The following BICD1 variants were observed in gnomAD, a reference collection of about 807,000 sequenced individuals.
The protein encoded by BICD1 is BICD cargo adaptor 1.
A neutral mutation model predicts 92.5 loss-of-function variants in BICD1; 35 were observed. That is an observed-to-expected ratio of 0.38 (90% confidence interval 0.29 to 0.50). The LOEUF is 0.50. Ranked by LOEUF, BICD1 falls within the 20% of genes least tolerant of loss-of-function variation. The pLI is 0.93. For missense variants in BICD1, 950 were observed against 1,189.8 expected (o/e 0.80, Z 2.97); for synonymous variants, 429 against 465.1 (o/e 0.92, Z 1.00).
intron 3 of BICD1, among the ~76,000 whole-genome samples, chr12:32,296,666 G>T (rs1947882606): frequency 1.3e-5 from 2 of 152,040 alleles, no homozygotes; most frequent in Non-Finnish European, 2.9e-5. Flanking sequence ...CTTCCTTCCC[G>T]ATTCCTACAC....
At chr12:32,299,133 A>G (rs189326798) in intron 3 of BICD1, among the ~76,000 whole-genome samples, 1 of 152,326 alleles carries the variant, frequency 6.6e-6, no homozygotes, top group Admixed American at 6.5e-5. Context: ...TAGAGTTCCT[A>G]AGCTCTGAAA....
At chr12:32,117,709 T>C (rs78178033) in intron 1 of BICD1, among the ~76,000 whole-genome samples, 10,026 of 82,978 alleles carry the variant, frequency 0.12, 590 homozygotes, top group East Asian at 0.29. Context: ...CACAAATATA[T>C]ATACACACAC....
chr12:32,341,342 C>T (rs1166236859), intron 8 of BICD1, among the ~76,000 whole-genome samples: 1 of 151,572 alleles, frequency 6.6e-6, no homozygotes. Flanking sequence ...TAGTGGGCAC[C>T]TGTAGTCCCA....
At chr12:32,217,953 G>A (rs1019681820) in intron 2 of BICD1, among the ~76,000 whole-genome samples, 1 of 152,220 alleles carries the variant, frequency 6.6e-6, no homozygotes, top group African/African-American at 2.4e-5. Flanking sequence ...AGGACCGTGT[G>A]CACACGCATG....
intron 8 of BICD1, among the ~76,000 whole-genome samples, chr12:32,361,430 G>A (rs190111556): frequency 8.6e-5 from 13 of 151,896 alleles, no homozygotes; most frequent in African/African-American, 2.9e-4. Flanking sequence ...GCACATGCCT[G>A]TAATCCCAGC....
chr12:32,330,730 T>A (rs1231383955), intron 5 of BICD1, among the ~76,000 whole-genome samples: 1 of 152,136 alleles, frequency 6.6e-6, no homozygotes, highest in African/African-American at 2.4e-5. Context: ...AGAGTGGTCA[T>A]AAATAACCAA....
At chr12:32,242,290 C>A (rs1946259918) in intron 2 of BICD1, among the ~76,000 whole-genome samples, 1 of 142,956 alleles carries the variant, frequency 7.0e-6, no homozygotes, top group African/African-American at 2.6e-5. Context: ...CTTTGGGAGG[C>A]CAAGGCAGGT....
At chr12:32,134,621 G>T (rs777313135) in intron 1 of BICD1, among the ~76,000 whole-genome samples, 1 of 152,208 alleles carries the variant, frequency 6.6e-6, no homozygotes, top group Admixed American at 6.5e-5. Context: ...TGTCAAGGAA[G>T]TGAGTCAGGT....
chr12:32,348,102 AT>A, intron 8 of BICD1, among the ~76,000 whole-genome samples: 1 of 152,206 alleles, frequency 6.6e-6, no homozygotes, highest in South Asian at 2.1e-4. Context: ...TCGTGTTTTT[AT>A]TTTGTTTTAT....
chr12:32,217,355 T>C (rs1254501087), intron 2 of BICD1, among the ~76,000 whole-genome samples: 1 of 152,224 alleles, frequency 6.6e-6, no homozygotes, highest in Non-Finnish European at 1.5e-5. Context: ...TTCAATATTG[T>C]AAAGTATAAG....
At chr12:32,372,239 G>T (rs1252128264) in intron 9 of BICD1, among the ~76,000 whole-genome samples, 1 of 152,192 alleles carries the variant, frequency 6.6e-6, no homozygotes, top group South Asian at 2.1e-4. Context: ...CAGCACTTTG[G>T]GAGGCCAAGG....
chr12:32,286,572 G>T (rs1456074773), intron 2 of BICD1, among the ~76,000 whole-genome samples: 1 of 152,100 alleles, frequency 6.6e-6, no homozygotes. Context: ...AGGAACAGAA[G>T]GCAGAAACCA....
At position 32,172,869 on chromosome 12, in the gene BICD1, G is replaced by T. The variant is rs1439443857; in HGVS notation, c.214-43378G>T. Among the ~76,000 whole-genome samples the T allele has an allele frequency of 3.9e-5, 6 of 152,110 alleles. No individual in the cohort carries two copies. In the East Asian group the frequency reaches 1.2e-3, roughly 29 times the overall value. On this transcript the variant is annotated intron_variant, in intron 1 of 9. Coordinates refer to ENST00000652176, the MANE Select transcript of BICD1 (RefSeq NM_001714.4). ...TATATTAATCTTGACTCCAGTTTAT[G>T]CCCTAAGCCAAGCTATCCTCTATTC... is the stretch of plus-strand genomic sequence containing the variant.
intron 1 of BICD1, among the ~76,000 whole-genome samples, chr12:32,195,090 CAAAAA>C (rs3043308): frequency 1.7e-5 from 2 of 117,428 alleles, no homozygotes; most frequent in East Asian, 2.4e-4. Flanking sequence ...AGAGTGAGAC[CAAAAA>C]AAAAAAAAAA....
At chr12:32,270,798 T>C (rs1332142360) in intron 2 of BICD1, among the ~76,000 whole-genome samples, 3 of 152,226 alleles carry the variant, frequency 2.0e-5, no homozygotes, top group Non-Finnish European at 4.4e-5. Context: ...AAGATGCTAA[T>C]TGAAATTCAG....
chr12:32,112,133 A>C (rs1053063545), intron 1 of BICD1, among the ~76,000 whole-genome samples: 3 of 150,430 alleles, frequency 2.0e-5, no homozygotes, highest in Non-Finnish European at 4.4e-5. Context: ...CAGCCTCCCG[A>C]GTAGCTAGGA....
In BICD1 at chr12:32,257,474, G is replaced by C. The variant is rs12303072; in HGVS notation, c.427-36520G>C. ...TGGAGACTTCAAAGACTTTAGAAAG[G>C]TATAGATAATATCAAATGTTGGTCA... On this transcript the variant is annotated intron_variant, in intron 2 of 9. Transcript: ENST00000652176. Among the ~76,000 whole-genome samples, 1,513 of 152,126 alleles carry C rather than the reference G, an allele frequency of 9.9e-3. 30 individuals are homozygous for C. The highest frequency in any genetic ancestry group is 0.034 in the African/African-American group (1,425 of 41,478).
rs1941505307 is a variant in BICD1 at position 32,107,260 on chromosome 12, T to C, written c.-72T>C. The C allele has an allele frequency of 2.2e-6, 3 of 1,368,590 alleles. No homozygotes were observed. Among genetic ancestry groups the C allele is most frequent in the Non-Finnish European group, 3.0e-6 (3 of 996,322 alleles). The allele number at this position is 1,368,590 out of a possible 1,614,324, so 84.8% of individuals were successfully genotyped here. Reference sequence around the variant, plus strand: ...CCACCCATCCCTTCCCATTTCCTTCTCCCTTTCCCCGCCAGCTTCGCATCC... The same window carrying C: ...CCACCCATCCCTTCCCATTTCCTTCCCCCTTTCCCCGCCAGCTTCGCATCC... On this transcript the variant is annotated 5_prime_UTR_variant, in exon 1 of 10. Coordinates refer to ENST00000652176, the MANE Select transcript of BICD1 (RefSeq NM_001714.4).
chr12:32,329,635 A>G (rs1055384712), intron 5 of BICD1, among the ~76,000 whole-genome samples: 2 of 152,194 alleles, frequency 1.3e-5, no homozygotes, highest in East Asian at 3.8e-4. Flanking sequence ...TACCTGTGCT[A>G]CTGACCACGT....
Sources: gnomAD v4.1 joint callset for allele counts (sites outside exome capture counted in the v4.1 genomes callset) on GRCh38, gnomAD v4.1.1 for gene constraint, MANE v1.5 for transcripts, NCBI Gene and HGNC (gene_info 2026-07-23, HGNC 2026-07-21) for gene names.